The following CDC42BPB variants were observed in gnomAD, a reference collection of about 807,000 sequenced individuals.
CDC42BPB encodes CDC42 binding protein kinase beta.
A neutral mutation model predicts 214.9 loss-of-function variants in CDC42BPB; 37 were observed. The observed-to-expected ratio is 0.17, with a 90% CI of 0.13 to 0.23. The LOEUF is 0.23. Ranked by LOEUF, CDC42BPB falls within the 10% of genes least tolerant of loss-of-function variation. CDC42BPB has a pLI of 1.00. For synonymous variants in CDC42BPB, 931 were observed against 884.0 expected (o/e 1.05, Z -0.94); for missense variants, 1,694 against 2,227.0 (o/e 0.76, Z 4.82).
intron 1 of CDC42BPB, among the ~76,000 whole-genome samples, chr14:103,041,086 T>C (rs1196327511): frequency 6.6e-6 from 1 of 152,206 alleles, no homozygotes; most frequent in Non-Finnish European, 1.5e-5. Flanking sequence ...GACACATATA[T>C]TAATGGAATA....
intron 27 of CDC42BPB, among the ~76,000 whole-genome samples, chr14:102,947,455 G>A (rs1048604313): frequency 7.9e-5 from 12 of 152,310 alleles, no homozygotes; most frequent in Non-Finnish European, 1.2e-4. Context: ...GACGTGGACT[G>A]AGTGGAAGAG....
rs112198032 is a variant in CDC42BPB at position 103,028,329 on chromosome 14, C to A, written c.176-16141G>T. Among the ~76,000 whole-genome samples the A allele has an allele frequency of 1.3e-3, 199 of 152,262 alleles. 1 individual carries two copies. The highest frequency in any genetic ancestry group is 4.7e-3 in the African/African-American group (196 of 41,548). On this transcript the variant is annotated intron_variant, in intron 1 of 36. Transcript: ENST00000361246. ...AGACATTGTGGCTACGAGTAAGCACCTGAGTCCTTCAGACTTCACCGCTTA... is the reference window on the plus strand; with the variant it reads ...AGACATTGTGGCTACGAGTAAGCACATGAGTCCTTCAGACTTCACCGCTTA...
chr14:103,032,541 A>AC (rs1566916184), intron 1 of CDC42BPB, among the ~76,000 whole-genome samples: 2 of 150,084 alleles, frequency 1.3e-5, no homozygotes, highest in African/African-American at 4.9e-5. Flanking sequence ...ACTGCAAAAA[A>AC]AAAAAAAAAA....
chr14:102,970,279 A>G lies in CDC42BPB; in HGVS notation c.1885-18T>C, dbSNP rs756948303. The G allele has an allele frequency of 6.2e-7, 1 of 1,600,962 alleles. No homozygotes were observed. The highest frequency in any genetic ancestry group is 8.5e-7 in the Non-Finnish European group (1 of 1,172,914). On this transcript the variant is annotated intron_variant, in intron 13 of 36. Transcript: ENST00000361246. The stretch of plus-strand genomic sequence containing the variant: ...GCTTCCAGCTACAAAAGGAAGATCC[A>G]GTTTCTATTAACAAAAAGCGAGCCC...
At position 102,943,373 on chromosome 14, in the gene CDC42BPB, C is replaced by A. The variant is rs926292401; in HGVS notation, c.4408+518G>T. Among the ~76,000 whole-genome samples, 1 of 152,186 alleles carries A rather than the reference C, an allele frequency of 6.6e-6. No individual in the cohort carries two copies. ...GCCACCATTCATAGAGAAAGTCATG[C>A]CAACTAGGCGAATTCAGTGACCCAA... On this transcript the variant is annotated intron_variant, in intron 30 of 36. Coordinates refer to ENST00000361246, the MANE Select transcript of CDC42BPB (RefSeq NM_006035.4). The surrounding 1 kb of genome is among the most constrained non-coding windows in gnomAD (Gnocchi z 4.6).
chr14:102,946,756 T>G, intron 27 of CDC42BPB, 72 bp from the exon 28 acceptor site: 1 of 1,567,228 alleles, frequency 6.4e-7, no homozygotes, highest in Non-Finnish European at 8.6e-7. Context: ...ACCACGGCCC[T>G]GCTGGAGCCA....
At chr14:102,956,405 TTCA>T in intron 21 of CDC42BPB, 1 of 977,656 alleles carries the variant, frequency 1.0e-6, no homozygotes, top group South Asian at 4.7e-5. Context: ...ACCAACATGT[TTCA>T]TGCAGGCAGC....
Position 103,056,980 on chromosome 14 carries a change from C to G in CDC42BPB, c.175+19G>C. On this transcript the variant is annotated intron_variant, in intron 1 of 36. Coordinates refer to ENST00000361246, the MANE Select transcript of CDC42BPB (RefSeq NM_006035.4). ...GGGGTCGCAGAGCCGCAGGTCCGGC[C>G]CTGCCGGCGCGCACTTACCCCACTC... 7.2e-7 allele frequency: 1 copy of G among 1,392,062 alleles called. No homozygotes were observed. The highest frequency in any genetic ancestry group is 9.4e-7 in the Non-Finnish European group (1 of 1,067,732). The allele number at this position is 1,392,062 out of a possible 1,614,324, so 86.2% of individuals were successfully genotyped here.
At position 103,020,845 on chromosome 14, in the gene CDC42BPB, A is replaced by G. The variant is rs565964911; in HGVS notation, c.176-8657T>C. On this transcript the variant is annotated intron_variant, in intron 1 of 36. Transcript: ENST00000361246. Reference sequence around the variant, plus strand: ...TACGGAAGATTAGTACCTATCACAAAGTTTTAGAAAAATGTGTTCAAATTA... The same window carrying G: ...TACGGAAGATTAGTACCTATCACAAGGTTTTAGAAAAATGTGTTCAAATTA... 3.3e-5 allele frequency among the ~76,000 whole-genome samples: 5 copies of G among 152,358 alleles called. No individual in the cohort carries two copies. The East Asian group carries it at 9.6e-4, about 29-fold the overall frequency.
chr14:103,047,416 T>C (rs1888354648), intron 1 of CDC42BPB, among the ~76,000 whole-genome samples: 1 of 152,054 alleles, frequency 6.6e-6, no homozygotes, highest in African/African-American at 2.4e-5. Context: ...AAGAGTTCCC[T>C]GAAAGCTTCC....
intron 21 of CDC42BPB, among the ~76,000 whole-genome samples, chr14:102,958,730 C>G (rs901307012): frequency 3.3e-5 from 5 of 152,288 alleles, no homozygotes; most frequent in Middle Eastern, 3.4e-3. Context: ...CGGCAAGGCA[C>G]CTGGTGCCAG....
At chr14:102,979,803 A>G (rs1185944850) in intron 8 of CDC42BPB, among the ~76,000 whole-genome samples, 1 of 152,170 alleles carries the variant, frequency 6.6e-6, no homozygotes, top group African/African-American at 2.4e-5. Context: ...ACGAGATATG[A>G]GCAAAATTCT....
chr14:103,011,855 A>G lies in CDC42BPB; in HGVS notation c.267+242T>C, dbSNP rs575279181. On this transcript the variant is annotated intron_variant, in intron 2 of 36. Coordinates refer to ENST00000361246, the MANE Select transcript of CDC42BPB (RefSeq NM_006035.4). ...CCTTTCTCTTCATTCTATCTTTCAG[A>G]TTTTCTCCCCAGCTCCTTGGGAGGC... Among the ~76,000 whole-genome samples, 4 of 151,752 alleles carry G rather than the reference A, an allele frequency of 2.6e-5. No individual in the cohort carries two copies. In the East Asian group the frequency reaches 7.8e-4, roughly 29 times the overall value.
chr14:102,983,807 A>G (rs570687650), intron 6 of CDC42BPB, 51 bp from the exon 7 acceptor site: 12 of 1,569,664 alleles, frequency 7.6e-6, no homozygotes, highest in Admixed American at 7.4e-5. Flanking sequence ...CTCCAATCAC[A>G]TATTTCCAAC....
intron 1 of CDC42BPB, among the ~76,000 whole-genome samples, chr14:103,027,998 T>G (rs1174970005): frequency 2.0e-5 from 3 of 152,082 alleles, no homozygotes; most frequent in Non-Finnish European, 2.9e-5. Context: ...GGCGTGGTGG[T>G]GCGCACCTGT....
At chr14:102,942,600 A>G (rs934507154) in intron 30 of CDC42BPB, among the ~76,000 whole-genome samples, 1 of 152,226 alleles carries the variant, frequency 6.6e-6, no homozygotes, top group African/African-American at 2.4e-5. Context: ...GCTAGAGTGT[A>G]GTGGTGTGAT....
At chr14:103,008,076 A>G (rs776580092) in intron 3 of CDC42BPB, among the ~76,000 whole-genome samples, 2 of 152,094 alleles carry the variant, frequency 1.3e-5, no homozygotes, top group Non-Finnish European at 2.9e-5. Flanking sequence ...CTTCATTTCT[A>G]ATCGTGAGGA....
In CDC42BPB at chr14:102,940,108, C is replaced by G. The variant is rs368931708; in HGVS notation, c.4529G>C (p.Gly1510Ala). The change falls in exon 32 of 37, where the codon GGC (glycine) becomes GCC (alanine). Residue 1510 changes from glycine (G) to alanine (A), a missense_variant. Gly to Ala is a moderately conservative substitution (Grantham distance 60). Transcript: ENST00000361246. Reference protein sequence around the residue: ...LRRIRPLNSEGTLNLLNCEPP... With the variant: ...LRRIRPLNSEATLNLLNCEPP... The stretch of plus-strand genomic sequence containing the variant: ...CTCGCAGTTGAGGAGGTTGAGGGTG[C>G]CTTCAGAGTTCAGGGGCCTTATCTG... The G allele has an allele frequency of 1.4e-5, 22 of 1,613,968 alleles. No homozygotes were observed. In the African/African-American group the frequency reaches 2.1e-4, roughly 16 times the overall value.
rs1378317680 is a variant in CDC42BPB, at chr14:103,001,379, G to T, written c.448-1666C>A. ...TGGCCAGCATGGAGAGCAGGCAGTG[G>T]TGAGCGCCAGCTGACCGCAGGCCGC... is the stretch of plus-strand genomic sequence containing the variant. On this transcript the variant is annotated intron_variant, in intron 4 of 36. Transcript: ENST00000361246. This position sits in a 1 kb window ranked among gnomAD's most constrained non-coding sequence, Gnocchi z 5.8. Among the ~76,000 whole-genome samples, 1 of 152,228 alleles carries T rather than the reference G, an allele frequency of 6.6e-6. No homozygotes were observed. The highest frequency in any genetic ancestry group is 1.5e-5 in the Non-Finnish European group (1 of 68,036).
Sources: gnomAD v4.1 joint callset for allele counts (sites outside exome capture counted in the v4.1 genomes callset) on GRCh38, gnomAD v4.1.1 for gene constraint, Gnocchi (gnomAD v3.1) non-coding constraint, MANE v1.5 for transcripts, NCBI Gene and HGNC (gene_info 2026-07-23, HGNC 2026-07-21) for gene names.